DLG1: variants seen among roughly 807,000 people sequenced by gnomAD.
DLG1 encodes the protein disks large homolog 1.
Under a neutral mutation model 123.4 loss-of-function variants are expected in DLG1, and 42 were observed. That is an observed-to-expected ratio of 0.34 (90% confidence interval 0.27 to 0.44). DLG1 has a LOEUF of 0.44. Among genes scored for constraint, DLG1 ranks in the 20% least tolerant of loss-of-function variants. The probability of loss-of-function intolerance (pLI) is 1.00; values close to 1 mark genes in which losing one functional copy is unlikely to be tolerated. For missense variants in DLG1, 942 were observed against 1,082.6 expected, an observed-to-expected ratio of 0.87 and a Z score of 1.82; for synonymous variants, 317 against 356.2, an observed-to-expected ratio of 0.89 and a Z score of 1.24.
At chr3:197,253,388 A>G (rs1472509415) in intron 4 of DLG1, among the ~76,000 whole-genome samples, 1 of 152,210 alleles carries the variant, frequency 6.6e-6, no homozygotes, top group Non-Finnish European at 1.5e-5. Context: ...AAATAAAATG[A>G]GGCAACACCA....
At chr3:197,086,198 C>T (rs1219112450) in intron 15 of DLG1, among the ~76,000 whole-genome samples, 1 of 152,162 alleles carries the variant, frequency 6.6e-6, no homozygotes, top group Non-Finnish European at 1.5e-5. Context: ...AGTGACTATT[C>T]TGTCCATTAA....
chr3:197,130,538 T>C lies in DLG1; in HGVS notation c.1154A>G (p.Asp385Gly). The change falls in exon 11 of 25, where the codon GAT (aspartate) becomes GGT (glycine). Residue 385 changes from aspartate (D) to glycine (G), a missense_variant. Transcript: ENST00000667157. ...GCTAACAGACTTACAGTTGGTGATATCAGGTGGTGCATAGCCATCATTCAT... is the reference window on the plus strand; with the variant it reads ...GCTAACAGACTTACAGTTGGTGATACCAGGTGGTGCATAGCCATCATTCAT... ...MYMNDGYAPP[D>G]ITNSSSQPVD... 6.2e-7 allele frequency: 1 copy of C among 1,602,168 alleles called. No homozygotes were observed. The highest frequency in any genetic ancestry group is 8.5e-7 in the Non-Finnish European group (1 of 1,174,574).
chr3:197,139,418 G>A (rs1300879191), intron 8 of DLG1, among the ~76,000 whole-genome samples: 1 of 152,016 alleles, frequency 6.6e-6, no homozygotes, highest in Admixed American at 6.6e-5. Flanking sequence ...AACTGCGTAA[G>A]GCATCAACGT....
intron 24 of DLG1, among the ~76,000 whole-genome samples, chr3:197,045,538 TGAG>T (rs1722353839): frequency 6.6e-6 from 1 of 151,384 alleles, no homozygotes; most frequent in Admixed American, 6.6e-5. Flanking sequence ...GCTAGGAGTT[TGAG>T]ATCAGCCTGG....
intron 5 of DLG1, among the ~76,000 whole-genome samples, chr3:197,156,819 T>G (rs1234475010): frequency 6.6e-6 from 1 of 152,148 alleles, no homozygotes; most frequent in Non-Finnish European, 1.5e-5. Context: ...GAGACAGAAT[T>G]GAAGAAAGAA....
intron 19 of DLG1, among the ~76,000 whole-genome samples, chr3:197,068,099 C>G (rs1356982852): frequency 2.6e-5 from 4 of 152,248 alleles, no homozygotes; most frequent in East Asian, 3.9e-4. Flanking sequence ...CATAAACATT[C>G]TTTTCTGTTT....
chr3:197,085,746 C>A lies in DLG1; in HGVS notation c.1672G>T (p.Asp558Tyr). 1.2e-6 allele frequency: 2 copies of A among 1,610,072 alleles called. No individual in the cohort carries two copies. Among genetic ancestry groups the A allele is most frequent in the South Asian group, 2.2e-5 (2 of 90,294 alleles). ...KRSLYVRALF[D>Y]YDKTKDSGLP... ...CCACTGTCTTTAGTCTTGTCATAATCAAAAAGGGCTCTAGAGTCAGAAGAA... is the reference window on the plus strand; with the variant it reads ...CCACTGTCTTTAGTCTTGTCATAATAAAAAAGGGCTCTAGAGTCAGAAGAA... The change falls in exon 16 of 25, where the codon GAT becomes TAT. Residue 558 changes from aspartate (D) to tyrosine (Y), a missense_variant. By Grantham distance (160) the Asp-to-Tyr change is radical. Coordinates refer to ENST00000667157, the MANE Select transcript of DLG1 (RefSeq NM_001366207.1).
intron 22 of DLG1, among the ~76,000 whole-genome samples, chr3:197,060,322 G>A (rs763834205): frequency 8.5e-5 from 13 of 152,060 alleles, no homozygotes; most frequent in Admixed American, 2.6e-4. Context: ...TTTAAGGGAC[G>A]GGGTCTTGTT....
At chr3:197,092,879 A>G (rs1560606895) in intron 14 of DLG1, among the ~76,000 whole-genome samples, 1 of 152,100 alleles carries the variant, frequency 6.6e-6, no homozygotes, top group Non-Finnish European at 1.5e-5. Context: ...ATTTAGATTC[A>G]TTTGTACTTT....
chr3:197,246,725 C>T (rs146248607), intron 4 of DLG1, among the ~76,000 whole-genome samples: 11 of 152,104 alleles, frequency 7.2e-5, no homozygotes, highest in African/African-American at 1.2e-4. Flanking sequence ...GGGATGGCAG[C>T]GCTAAGACAG....
intron 4 of DLG1, among the ~76,000 whole-genome samples, chr3:197,210,562 TCTTACCACACAC>T (rs1236821748): frequency 1.4e-5 from 2 of 143,350 alleles, no homozygotes; most frequent in South Asian, 2.7e-4. Context: ...AAAAAACACA[TCTTACCACACAC>T]CATATTCTGA....
intron 13 of DLG1, 84 bp from the exon 14 acceptor site, chr3:197,105,089 G>T: frequency 1.2e-6 from 1 of 843,748 alleles, no homozygotes; most frequent in Non-Finnish European, 1.8e-6. Flanking sequence ...GAGTAAGCAT[G>T]TATTAAAAAA....
At chr3:197,086,244 T>C (rs970403681) in intron 15 of DLG1, among the ~76,000 whole-genome samples, 2 of 152,212 alleles carry the variant, frequency 1.3e-5, no homozygotes, top group South Asian at 2.1e-4. Flanking sequence ...CTAGAGTTGA[T>C]AGAGTTTTCA....
chr3:197,070,229 T>G (rs2038388772), intron 18 of DLG1: 1 of 149,112 alleles, frequency 6.7e-6, no homozygotes, highest in African/African-American at 2.5e-5. Flanking sequence ...ATCTGAATTT[T>G]TATTTTAACT....
At chr3:197,271,824 C>T (rs866557846) in intron 4 of DLG1, among the ~76,000 whole-genome samples, 11 of 152,084 alleles carry the variant, frequency 7.2e-5, no homozygotes, top group South Asian at 2.1e-4. Flanking sequence ...ATGATGTCTA[C>T]GACTGATTTT....
intron 10 of DLG1, among the ~76,000 whole-genome samples, chr3:197,133,919 T>G (rs1332759116): frequency 6.6e-6 from 1 of 152,164 alleles, no homozygotes; most frequent in Non-Finnish European, 1.5e-5. Context: ...CCAGTGTAAT[T>G]AAGAGAACAA....
intron 4 of DLG1, among the ~76,000 whole-genome samples, chr3:197,234,997 A>G (rs1469467931): frequency 1.3e-5 from 2 of 152,228 alleles, no homozygotes; most frequent in Non-Finnish European, 2.9e-5. Context: ...ACGTCAGGCC[A>G]TGAAGAAGTT....
chr3:197,244,944 T>C lies in DLG1; in HGVS notation c.318+37735A>G, dbSNP rs187199184. The stretch of plus-strand genomic sequence containing the variant: ...AGAAACTGACTTTTAGTTTCAAACG[T>C]AGGAATGTCAACAGTGAAGTGTGAG... On this transcript the variant is annotated intron_variant, in intron 4 of 24. Coordinates refer to ENST00000667157, the MANE Select transcript of DLG1 (RefSeq NM_001366207.1). 1.0e-3 allele frequency among the ~76,000 whole-genome samples: 156 copies of C among 152,266 alleles called. 2 individuals carry two copies. Among genetic ancestry groups the C allele is most frequent in the African/African-American group, 3.3e-3 (139 of 41,550 alleles).
intron 15 of DLG1, among the ~76,000 whole-genome samples, chr3:197,086,727 T>A (rs1754599793): frequency 6.6e-6 from 1 of 152,098 alleles, no homozygotes; most frequent in South Asian, 2.1e-4. Context: ...GGGGGGATCG[T>A]TAAGCAGGAG....
Sources: gnomAD v4.1 joint callset for allele counts (sites outside exome capture counted in the v4.1 genomes callset) on GRCh38, gnomAD v4.1.1 for gene constraint, MANE v1.5 for transcripts, NCBI Gene and HGNC (gene_info 2026-07-23, HGNC 2026-07-21) for gene names.